Variants in ADARB2 observed in about 807,000 individuals in gnomAD.
The protein encoded by ADARB2 is inactive double-stranded RNA-specific editase B2.
ADARB2 carries 25 observed loss-of-function variants against 62.2 expected under a neutral mutation model. That is an observed-to-expected ratio of 0.40 (90% CI 0.29 to 0.56). The LOEUF (loss-of-function observed/expected upper bound fraction) is 0.56, where lower values mean the gene tolerates loss of function less well. Ranked by LOEUF, ADARB2 falls within the 20% of genes least tolerant of loss-of-function variation. The probability of loss-of-function intolerance (pLI) is 0.43; values close to 1 mark genes in which losing one functional copy is unlikely to be tolerated. For synonymous variants in ADARB2, 572 were observed against 500.8 expected, an observed-to-expected ratio of 1.14 and a Z score of -1.90; for missense variants, 1,071 against 1,077.4, an observed-to-expected ratio of 0.99 and a Z score of 0.08.
intron 1 of ADARB2, among the ~76,000 whole-genome samples, chr10:1,503,601 G>T (rs1256119613): frequency 6.6e-6 from 1 of 152,048 alleles, no homozygotes; most frequent in Non-Finnish European, 1.5e-5. Context: ...CCGTGATATG[G>T]TTCTGATCTG....
chr10:1,417,991 C>T (rs1434197857), intron 1 of ADARB2, among the ~76,000 whole-genome samples: 2 of 152,166 alleles, frequency 1.3e-5, no homozygotes, highest in Non-Finnish European at 2.9e-5. Context: ...AGAATAAGCC[C>T]CTTGCAGTAC....
chr10:1,586,329 G>A (rs1360610779), intron 1 of ADARB2, among the ~76,000 whole-genome samples: 1 of 152,136 alleles, frequency 6.6e-6, no homozygotes, highest in Non-Finnish European at 1.5e-5. Flanking sequence ...GGCAGCAAAG[G>A]GTATTGGCTG....
intron 3 of ADARB2, among the ~76,000 whole-genome samples, chr10:1,340,053 C>G (rs559485614): frequency 1.3e-5 from 2 of 152,012 alleles, no homozygotes; most frequent in Non-Finnish European, 2.9e-5. Flanking sequence ...CACGTGGGTC[C>G]GGAATTGAAT....
intron 1 of ADARB2, among the ~76,000 whole-genome samples, chr10:1,628,127 A>C (rs1833794588): frequency 6.6e-6 from 1 of 152,250 alleles, no homozygotes; most frequent in Admixed American, 6.5e-5. Flanking sequence ...CCCTGGCAGC[A>C]GGTGCCTGAG....
At chr10:1,708,491 T>C (rs921071194) in intron 1 of ADARB2, among the ~76,000 whole-genome samples, 11 of 152,222 alleles carry the variant, frequency 7.2e-5, no homozygotes, top group Non-Finnish European at 2.9e-5. Context: ...TCAGAATCTT[T>C]CAGCCAGGGT....
intron 4 of ADARB2, among the ~76,000 whole-genome samples, chr10:1,260,130 T>C (rs1344779687): frequency 6.6e-6 from 1 of 152,118 alleles, no homozygotes. Context: ...CTCAATAAAT[T>C]AGTTATTGAT....
chr10:1,591,582 G>T (rs1329140487), intron 1 of ADARB2, among the ~76,000 whole-genome samples: 3 of 151,802 alleles, frequency 2.0e-5, no homozygotes, highest in Non-Finnish European at 4.4e-5. Flanking sequence ...GTGCTCTCTG[G>T]GTGCCACTTC....
intron 1 of ADARB2, among the ~76,000 whole-genome samples, chr10:1,547,730 C>T (rs549320709): frequency 1.9e-5 from 2 of 102,706 alleles, no homozygotes; most frequent in Admixed American, 1.4e-4. Flanking sequence ...GGGAGAGAGG[C>T]TGTGCAAGTC....
Position 1,226,392 on chromosome 10 carries a change from G to A in ADARB2, c.1513+7302C>T, listed in dbSNP as rs188165330. ...GCTCAGAGTAGTTTGATCGTCTGAA[G>A]CCTTCTTCTCTGAACTCATCAAAGT... is the stretch of plus-strand genomic sequence containing the variant. On this transcript the variant is annotated intron_variant, in intron 6 of 9. Transcript: ENST00000381312. Among the ~76,000 whole-genome samples the A allele has an allele frequency of 1.8e-3, 276 of 152,278 alleles. 2 individuals carry two copies. Among genetic ancestry groups the A allele is most frequent in the African/African-American group, 6.3e-3 (263 of 41,548 alleles).
At chr10:1,621,285 T>C (rs1833701261) in intron 1 of ADARB2, among the ~76,000 whole-genome samples, 1 of 152,248 alleles carries the variant, frequency 6.6e-6, no homozygotes, top group South Asian at 2.1e-4. Flanking sequence ...GGACATATGA[T>C]TAGTATAAAC....
intron 1 of ADARB2, among the ~76,000 whole-genome samples, chr10:1,546,294 G>A (rs889765278): frequency 1.3e-5 from 2 of 152,316 alleles, no homozygotes; most frequent in South Asian, 2.1e-4. Flanking sequence ...TTGGCTTTCC[G>A]TGCAGAGAGC....
intron 4 of ADARB2, among the ~76,000 whole-genome samples, chr10:1,249,102 C>T (rs1831013133): frequency 6.6e-6 from 1 of 152,178 alleles, no homozygotes; most frequent in African/African-American, 2.4e-5. Flanking sequence ...TACAGTACGT[C>T]CCTGCAACAT....
rs915949550 is a variant in ADARB2 at position 1,671,891 on chromosome 10, G to C, written c.100+65160C>G. 4.6e-5 allele frequency among the ~76,000 whole-genome samples: 7 copies of C among 152,084 alleles called. No homozygotes were observed. In the South Asian group the frequency reaches 8.3e-4, roughly 18 times the overall value. The stretch of plus-strand genomic sequence containing the variant: ...CCTTTTCCCTTCTCACTTGCACTGG[G>C]GGGGAGTGGGGTGTCTGTACCTAAA... On this transcript the variant is annotated intron_variant, in intron 1 of 9. Coordinates refer to ENST00000381312, the MANE Select transcript of ADARB2 (RefSeq NM_018702.4).
intron 1 of ADARB2, among the ~76,000 whole-genome samples, chr10:1,403,596 T>A (rs1832683063): frequency 6.6e-6 from 1 of 152,162 alleles, no homozygotes; most frequent in Non-Finnish European, 1.5e-5. Flanking sequence ...GCTCAGAGCT[T>A]GCACTCCACG....
In ADARB2 at chr10:1,617,429, C is replaced by CCTGGG. The variant is rs1169167949; in HGVS notation, c.100+119621_100+119622insCCCAG. Among the ~76,000 whole-genome samples, 116 of 82,178 alleles carry CCTGGG rather than the reference C, an allele frequency of 1.4e-3. 34 individuals carry two copies. Among genetic ancestry groups the CCTGGG allele is most frequent in the African/African-American group, 4.4e-3 (95 of 21,720 alleles). 53.9% of individuals were successfully genotyped at this position (82,178 alleles called of 152,430 possible). ...CGCACCACCCTGCTGAGCTCTGCCT[C>CCTGGG]ATGGGAACTGACCTCAGAGGGTTGC... On this transcript the variant is annotated intron_variant, in intron 1 of 9. Transcript: ENST00000381312.
chr10:1,476,442 C>T lies in ADARB2; in HGVS notation c.101-97282G>A, dbSNP rs576473796. 5.0e-4 allele frequency among the ~76,000 whole-genome samples: 76 copies of T among 152,160 alleles called. 1 individual carries two copies. Among genetic ancestry groups the T allele is most frequent in the Admixed American group, 3.3e-4 (5 of 15,274 alleles). ...CAGTGTCCTGCGTGGTGACTGTGCT[C>T]GTAAAAGTCCAGTTCTTGGGGGATA... On this transcript the variant is annotated intron_variant, in intron 1 of 9. Coordinates refer to ENST00000381312, the MANE Select transcript of ADARB2 (RefSeq NM_018702.4).
intron 1 of ADARB2, among the ~76,000 whole-genome samples, chr10:1,631,383 C>T (rs1453994944): frequency 6.6e-6 from 1 of 152,152 alleles, no homozygotes; most frequent in Non-Finnish European, 1.5e-5. Context: ...CCTCGGGTTC[C>T]ACTGTGAGGT....
intron 3 of ADARB2, among the ~76,000 whole-genome samples, chr10:1,285,292 G>GA (rs1389511508): frequency 6.7e-6 from 1 of 149,258 alleles, no homozygotes; most frequent in Non-Finnish European, 1.5e-5. Flanking sequence ...ACACCGTGGG[G>GA]AAACGCGCCC....
At chr10:1,548,428 C>A (rs1172368643) in intron 1 of ADARB2, among the ~76,000 whole-genome samples, 3 of 152,202 alleles carry the variant, frequency 2.0e-5, no homozygotes, top group African/African-American at 7.2e-5. Context: ...TTTCGGGGAC[C>A]CCCGGCATAG....
Sources: gnomAD v4.1 joint callset for allele counts (sites outside exome capture counted in the v4.1 genomes callset) on GRCh38, gnomAD v4.1.1 for gene constraint, MANE v1.5 for transcripts, NCBI Gene and HGNC (gene_info 2026-07-23, HGNC 2026-07-21) for gene names.